RPS6KC1: variants seen among roughly 807,000 people sequenced by gnomAD.
RPS6KC1 encodes the protein inactive ribosomal protein S6 kinase delta-1.
A neutral mutation model predicts 103.8 loss-of-function variants in RPS6KC1; 54 were observed. The ratio of observed to expected loss-of-function variants is 0.52; its 90% CI spans 0.42 to 0.65. RPS6KC1 has a LOEUF of 0.65. Among genes scored for constraint, RPS6KC1 ranks in the 30% least tolerant of loss-of-function variants. The pLI is 0.00. For synonymous variants in RPS6KC1, 439 were observed against 438.7 expected (o/e 1.00, Z -0.01); for missense variants, 1,151 against 1,253.8 (o/e 0.92, Z 1.24).
At chr1:213,716,343 GC>G in the RPS6KC1 span, among the ~76,000 whole-genome samples, 1 of 152,106 alleles carries the variant, frequency 6.6e-6, no homozygotes, top group South Asian at 2.1e-4. Context: ...TCTGAGAGAA[GC>G]TTTTCTGATG....
chr1:213,647,425 A>C, the RPS6KC1 span, among the ~76,000 whole-genome samples: 1 of 152,206 alleles, frequency 6.6e-6, no homozygotes, highest in Non-Finnish European at 1.5e-5. Context: ...CTATTATTCC[A>C]GAAATAATAT....
chr1:213,294,494 A>G, the RPS6KC1 span, among the ~76,000 whole-genome samples: 1 of 152,174 alleles, frequency 6.6e-6, no homozygotes, highest in Non-Finnish European at 1.5e-5. Context: ...TTTTGCCTTC[A>G]TAGCTGAATT....
chr1:213,210,302 A>G (rs548472449), intron 8 of RPS6KC1, among the ~76,000 whole-genome samples: 2 of 152,300 alleles, frequency 1.3e-5, no homozygotes, highest in East Asian at 3.9e-4. Flanking sequence ...AAGCCTTCAG[A>G]TTTCTGAAGT....
chr1:213,058,593 A>G (rs992023671), intron 1 of RPS6KC1, among the ~76,000 whole-genome samples: 2 of 152,156 alleles, frequency 1.3e-5, no homozygotes, highest in African/African-American at 4.8e-5. Flanking sequence ...TCAATTGACT[A>G]TATATGTGTA....
chr1:213,116,262 G>T (rs1378421325), intron 4 of RPS6KC1, among the ~76,000 whole-genome samples: 1 of 151,602 alleles, frequency 6.6e-6, no homozygotes, highest in Non-Finnish European at 1.5e-5. Context: ...ATATATTTAG[G>T]ATAGTTAGCT....
At chr1:213,406,583 A>T in the RPS6KC1 span, among the ~76,000 whole-genome samples, 5 of 152,144 alleles carry the variant, frequency 3.3e-5, no homozygotes, top group African/African-American at 1.2e-4. Flanking sequence ...AAGAGAGGGC[A>T]CTGTTGGATT....
At chr1:213,174,636 C>T (rs543507407) in intron 7 of RPS6KC1, among the ~76,000 whole-genome samples, 81 of 145,110 alleles carry the variant, frequency 5.6e-4, no homozygotes, top group Middle Eastern at 3.7e-3. Context: ...AGCCGCTGCA[C>T]TCCAGCCTGG....
chr1:213,577,161 G>C, the RPS6KC1 span, among the ~76,000 whole-genome samples: 2 of 152,128 alleles, frequency 1.3e-5, no homozygotes, highest in Non-Finnish European at 2.9e-5. Flanking sequence ...TTCCTGTGCT[G>C]CTCTAGTGAT....
the RPS6KC1 span, among the ~76,000 whole-genome samples, chr1:213,807,212 A>G: frequency 0.02 from 3,006 of 151,916 alleles, 117 homozygotes; most frequent in African/African-American, 0.068. Context: ...TGCCCTTAGC[A>G]TTTTTTCCTT....
At chr1:213,493,719 G>T in the RPS6KC1 span, among the ~76,000 whole-genome samples, 1 of 152,210 alleles carries the variant, frequency 6.6e-6, no homozygotes, top group Non-Finnish European at 1.5e-5. Flanking sequence ...AGTCAGAGCT[G>T]CCCTGCCAAT....
chr1:213,585,863 T>A, the RPS6KC1 span, among the ~76,000 whole-genome samples: 1 of 152,102 alleles, frequency 6.6e-6, no homozygotes, highest in Admixed American at 6.6e-5. Flanking sequence ...GTGCCCAGGA[T>A]GATCTTCAGA....
chr1:213,271,521 T>G (rs1305516334), intron 14 of RPS6KC1, among the ~76,000 whole-genome samples: 1 of 152,118 alleles, frequency 6.6e-6, no homozygotes, highest in Non-Finnish European at 1.5e-5. Flanking sequence ...ATCCCAGCAC[T>G]TTGGGAGGCC....
the RPS6KC1 span, among the ~76,000 whole-genome samples, chr1:213,432,243 C>G: frequency 6.6e-6 from 1 of 152,160 alleles, no homozygotes; most frequent in Non-Finnish European, 1.5e-5. Flanking sequence ...CGTGACATGC[C>G]TTTTCACCCT....
At chr1:213,563,373 T>C in the RPS6KC1 span, among the ~76,000 whole-genome samples, 1 of 152,150 alleles carries the variant, frequency 6.6e-6, no homozygotes, top group East Asian at 1.9e-4. Context: ...GTACAGATTA[T>C]ATATCTGATT....
intron 4 of RPS6KC1, among the ~76,000 whole-genome samples, chr1:213,105,516 A>T (rs921919621): frequency 7.3e-5 from 11 of 151,520 alleles, no homozygotes; most frequent in African/African-American, 1.2e-4. Flanking sequence ...TTATTTATTT[A>T]TTTTTTTCTG....
the RPS6KC1 span, among the ~76,000 whole-genome samples, chr1:213,617,974 G>A: frequency 2.6e-5 from 4 of 152,236 alleles, no homozygotes; most frequent in East Asian, 5.8e-4. Context: ...TGTGGAATTG[G>A]TTCTTCCTTG....
chr1:213,602,028 C>CTCTTTCTTTCTT, the RPS6KC1 span, among the ~76,000 whole-genome samples: 28 of 11,898 alleles, frequency 2.4e-3, 5 homozygotes, highest in African/African-American at 5.7e-3. Context: ...TTCTTTCTTT[C>CTCTTTCTTTCTT]TCTTTCTCTT....
the RPS6KC1 span, among the ~76,000 whole-genome samples, chr1:213,860,568 G>T: frequency 6.6e-6 from 1 of 152,130 alleles, no homozygotes; most frequent in Non-Finnish European, 1.5e-5. Flanking sequence ...TGGCATTTGA[G>T]CTGGGCATTG....
intron 7 of RPS6KC1, 24 bp from the exon 8 acceptor site, chr1:213,176,376 A>G (rs1191075158): frequency 6.5e-7 from 1 of 1,536,652 alleles, no homozygotes; most frequent in Non-Finnish European, 8.9e-7. Flanking sequence ...TGATTGATGT[A>G]TAATCTTTGA....
Sources: allele counts gnomAD v4.1 joint callset (sites outside exome capture counted in the v4.1 genomes callset), GRCh38; gene constraint gnomAD v4.1.1; transcripts MANE v1.5; gene names NCBI Gene and HGNC (gene_info 2026-07-23, HGNC 2026-07-21).